TEAD1: variants seen among roughly 807,000 people sequenced by gnomAD.
TEAD1 encodes transcriptional enhancer factor TEF-1.
In TEAD1, 9 loss-of-function variants were observed where a neutral mutation model predicts 54.9. The ratio of observed to expected loss-of-function variants is 0.16; its 90% CI spans 0.10 to 0.29. The LOEUF is 0.29. TEAD1 is among the 10% of genes least tolerant of loss of function. The pLI, the probability that TEAD1 is intolerant of heterozygous loss-of-function variation, is 1.00. For synonymous variants in TEAD1, 200 were observed against 187.8 expected, an observed-to-expected ratio of 1.07 and a Z score of -0.53; for missense variants, 387 against 535.9, an observed-to-expected ratio of 0.72 and a Z score of 2.74.
intron 3 of TEAD1, among the ~76,000 whole-genome samples, chr11:12,802,517 G>A (rs902820401): frequency 7.9e-5 from 12 of 152,048 alleles, no homozygotes; most frequent in African/African-American, 2.7e-4. Flanking sequence ...ACCCTTCACA[G>A]ATAGTGTTTG....
intron 2 of TEAD1, among the ~76,000 whole-genome samples, chr11:12,696,941 A>T (rs1943598717): frequency 6.6e-6 from 1 of 151,936 alleles, no homozygotes; most frequent in African/African-American, 2.4e-5. Flanking sequence ...ACCCACTTCC[A>T]CCCTGTCTCA....
intron 2 of TEAD1, among the ~76,000 whole-genome samples, chr11:12,694,770 G>A (rs924765869): frequency 1.4e-4 from 21 of 152,152 alleles, no homozygotes; most frequent in African/African-American, 5.1e-4. Flanking sequence ...GTTAGCTAGC[G>A]TGGGATTTGA....
chr11:12,895,746 T>TC (rs1297354565), intron 9 of TEAD1, among the ~76,000 whole-genome samples: 1 of 152,226 alleles, frequency 6.6e-6, no homozygotes, highest in Non-Finnish European at 1.5e-5. Flanking sequence ...CTCCTCACCT[T>TC]CCAGTTCTAC....
chr11:12,926,958 T>C (rs899192741), intron 11 of TEAD1, among the ~76,000 whole-genome samples: 2 of 152,166 alleles, frequency 1.3e-5, no homozygotes, highest in African/African-American at 4.8e-5. Context: ...GCAATGTTAG[T>C]GAATAGCTAA....
chr11:12,771,408 C>T (rs979492695), intron 3 of TEAD1, among the ~76,000 whole-genome samples: 1 of 152,162 alleles, frequency 6.6e-6, no homozygotes, highest in Non-Finnish European at 1.5e-5. Context: ...GAGGCCTGCA[C>T]TAGGATGCAG....
chr11:12,872,452 A>G (rs1589946265), intron 5 of TEAD1, among the ~76,000 whole-genome samples: 1 of 152,208 alleles, frequency 6.6e-6, no homozygotes, highest in Non-Finnish European at 1.5e-5. Context: ...CATTTATGAC[A>G]TATACGCTTT....
intron 3 of TEAD1, among the ~76,000 whole-genome samples, chr11:12,860,365 G>T (rs1947473577): frequency 6.6e-6 from 1 of 152,168 alleles, no homozygotes; most frequent in African/African-American, 2.4e-5. Context: ...GGATGACCTA[G>T]GGGTACTTTC....
chr11:12,678,694 G>A (rs974827103), intron 2 of TEAD1, among the ~76,000 whole-genome samples: 4 of 152,168 alleles, frequency 2.6e-5, no homozygotes, highest in African/African-American at 9.7e-5. Context: ...AGTTTGTGGA[G>A]TGCTAGTATA....
intron 3 of TEAD1, among the ~76,000 whole-genome samples, chr11:12,838,974 T>G (rs1033010015): frequency 2.6e-5 from 4 of 152,208 alleles, no homozygotes; most frequent in Admixed American, 2.6e-4. Flanking sequence ...AACAGACTTA[T>G]AAATTCCTTT....
intron 3 of TEAD1, among the ~76,000 whole-genome samples, chr11:12,779,064 C>T (rs1004875502): frequency 2.0e-5 from 3 of 152,098 alleles, no homozygotes; most frequent in Admixed American, 1.3e-4. Context: ...GTATACTGGA[C>T]ATAATATGTT....
chr11:12,832,258 A>G (rs1946798787), intron 3 of TEAD1, among the ~76,000 whole-genome samples: 1 of 152,230 alleles, frequency 6.6e-6, no homozygotes, highest in South Asian at 2.1e-4. Context: ...AAAGCAAGCA[A>G]ACTAACAAAA....
chr11:12,865,354 A>AATT, intron 5 of TEAD1: 1 of 165,096 alleles, frequency 6.1e-6, no homozygotes, highest in East Asian at 1.7e-4. Context: ...AAAATTTAGA[A>AATT]ATTATTTTAA....
chr11:12,836,512 C>A (rs904682714), intron 3 of TEAD1, among the ~76,000 whole-genome samples: 1 of 152,106 alleles, frequency 6.6e-6, no homozygotes, highest in Non-Finnish European at 1.5e-5. Flanking sequence ...ACTGCTTCCT[C>A]CTAACCCCAA....
intron 3 of TEAD1, among the ~76,000 whole-genome samples, chr11:12,796,568 T>C (rs1168996184): frequency 6.6e-6 from 1 of 151,192 alleles, no homozygotes; most frequent in East Asian, 2.0e-4. Context: ...CCACAAAAAA[T>C]ACAAAAATTA....
intron 3 of TEAD1, among the ~76,000 whole-genome samples, chr11:12,844,957 A>ATTTTT (rs1947110635): frequency 2.7e-5 from 2 of 75,096 alleles, no homozygotes; most frequent in Non-Finnish European, 5.5e-5. Context: ...CGTGTATGAA[A>ATTTTT]TCTTTTTTTT....
chr11:12,923,195 T>C (rs905742795), intron 10 of TEAD1, among the ~76,000 whole-genome samples: 10 of 152,178 alleles, frequency 6.6e-5, no homozygotes, highest in Non-Finnish European at 1.2e-4. Flanking sequence ...GTCTGCTCAC[T>C]GTGTCCTTTG....
chr11:12,920,367 A>T (rs1436515436), intron 10 of TEAD1, among the ~76,000 whole-genome samples: 3 of 152,066 alleles, frequency 2.0e-5, no homozygotes, highest in Non-Finnish European at 2.9e-5. Context: ...TTGACAGATT[A>T]TTTTTTCTGT....
At chr11:12,908,288 A>C (rs890537685) in intron 10 of TEAD1, among the ~76,000 whole-genome samples, 2 of 152,112 alleles carry the variant, frequency 1.3e-5, no homozygotes, top group African/African-American at 4.8e-5. Flanking sequence ...ACAACTAGGG[A>C]CCACCTCTGA....
rs571684156 is a variant in TEAD1, at chr11:12,779,395, G to C, written c.202+14961G>C. Among the ~76,000 whole-genome samples, 193 of 152,262 alleles carry C rather than the reference G, an allele frequency of 1.3e-3. 1 individual carries two copies. The highest frequency in any genetic ancestry group is 4.5e-3 in the African/African-American group (186 of 41,552). On this transcript the variant is annotated intron_variant, in intron 3 of 12. Coordinates refer to ENST00000527636, the MANE Select transcript of TEAD1 (RefSeq NM_021961.6). Reference sequence around the variant, plus strand: ...TTCATTGGTGGTGGTAAAGGGCACAGGGTTGGGAATAAGGGTTGTTGGGGT... The same window carrying C: ...TTCATTGGTGGTGGTAAAGGGCACACGGTTGGGAATAAGGGTTGTTGGGGT...
Sources: gnomAD v4.1 joint callset for allele counts (sites outside exome capture counted in the v4.1 genomes callset) on GRCh38, gnomAD v4.1.1 for gene constraint, MANE v1.5 for transcripts, NCBI Gene and HGNC (gene_info 2026-07-23, HGNC 2026-07-21) for gene names.